FRMD4A: variants seen among roughly 807,000 people sequenced by gnomAD.
The protein encoded by FRMD4A is FERM domain containing 4A, also known as FERM domain-containing protein 4A.
A neutral mutation model predicts 129.1 loss-of-function variants in FRMD4A; 29 were observed. The ratio of observed to expected loss-of-function variants is 0.22; its 90% CI spans 0.17 to 0.31. The LOEUF is 0.31. Among genes scored for constraint, FRMD4A ranks in the 10% least tolerant of loss-of-function variants. The pLI, the probability that FRMD4A is intolerant of heterozygous loss-of-function variation, is 1.00. For synonymous variants in FRMD4A, 634 were observed against 571.6 expected (o/e 1.11, Z -1.56); for missense variants, 1,272 against 1,375.8 (o/e 0.92, Z 1.19).
At chr10:13,739,697 G>A (rs2090870810) in intron 11 of FRMD4A, among the ~76,000 whole-genome samples, 1 of 152,222 alleles carries the variant, frequency 6.6e-6, no homozygotes. Context: ...ACAGGTTGAA[G>A]CAAGTTAACT....
intron 2 of FRMD4A, among the ~76,000 whole-genome samples, chr10:14,086,933 A>G (rs560270596): frequency 6.6e-6 from 1 of 152,240 alleles, no homozygotes; most frequent in African/African-American, 2.4e-5. Flanking sequence ...TTCTCCCCAC[A>G]TCTGGAATTC....
intron 2 of FRMD4A, among the ~76,000 whole-genome samples, chr10:14,185,604 G>C (rs58121388): frequency 1.4e-4 from 20 of 141,840 alleles, no homozygotes; most frequent in East Asian, 4.1e-4. Flanking sequence ...AACAGGTAGA[G>C]AGACAGAAAG....
chr10:13,646,942 G>T lies in FRMD4A; in HGVS notation c.*96C>A. 1 of 970,610 alleles carries T rather than the reference G, an allele frequency of 1.0e-6. No homozygotes were observed. Among genetic ancestry groups the T allele is most frequent in the Non-Finnish European group, 1.2e-6 (1 of 815,896 alleles). 60.1% of individuals were successfully genotyped at this position (970,610 alleles called of 1,614,324 possible). On this transcript the variant is annotated 3_prime_UTR_variant, in exon 25 of 25. Coordinates refer to ENST00000357447, the MANE Select transcript of FRMD4A (RefSeq NM_018027.5). Reference sequence around the variant, plus strand: ...ATTAGGCCGGGCTGGCTCACACGAGGGTCCCGGGCTTGGCTTTTTCCTGCC... The same window carrying T: ...ATTAGGCCGGGCTGGCTCACACGAGTGTCCCGGGCTTGGCTTTTTCCTGCC...
intron 14 of FRMD4A, among the ~76,000 whole-genome samples, chr10:13,701,105 G>A (rs1359439396): frequency 4.6e-5 from 7 of 152,102 alleles, no homozygotes; most frequent in Admixed American, 6.5e-5. Context: ...TGCAGTCAGC[G>A]GCTTGAGCGG....
At chr10:13,963,269 CTTT>C (rs142764391) in intron 2 of FRMD4A, among the ~76,000 whole-genome samples, 58,366 of 117,118 alleles carry the variant, frequency 0.5, 13,513 homozygotes, top group East Asian at 0.76. Flanking sequence ...GTGCAAGCCT[CTTT>C]TTTTTTTTTT....
At chr10:14,171,148 A>G (rs10906621) in intron 2 of FRMD4A, among the ~76,000 whole-genome samples, 53,385 of 151,956 alleles carry the variant, frequency 0.35, 9,410 homozygotes, top group Non-Finnish European at 0.36. Context: ...AAATTCACGG[A>G]CATGATTGAT....
intron 14 of FRMD4A, among the ~76,000 whole-genome samples, chr10:13,700,845 T>TTTC (rs2086753701): frequency 2.6e-5 from 2 of 76,582 alleles, no homozygotes; most frequent in Non-Finnish European, 5.2e-5. Context: ...TTTTTTTTTT[T>TTTC]AACGTTTCCA....
At chr10:14,305,825 G>A (rs189999716) in intron 2 of FRMD4A, among the ~76,000 whole-genome samples, 5 of 152,318 alleles carry the variant, frequency 3.3e-5, no homozygotes, top group South Asian at 4.1e-4. Flanking sequence ...TATCCTTTGC[G>A]AGGACATGGA....
chr10:13,652,180 G>A (rs558447250), intron 23 of FRMD4A: 25 of 592,258 alleles, frequency 4.2e-5, no homozygotes, highest in African/African-American at 1.9e-4. Flanking sequence ...TAGGAGGGAC[G>A]GGCCCTCTTT....
intron 2 of FRMD4A, among the ~76,000 whole-genome samples, chr10:13,895,304 G>A (rs1270964692): frequency 5.3e-5 from 8 of 152,122 alleles, no homozygotes; most frequent in African/African-American, 9.6e-5. Flanking sequence ...TGTTCTCATC[G>A]TTTAGCTCCC....
chr10:13,734,381 C>T (rs770181204), intron 12 of FRMD4A, among the ~76,000 whole-genome samples: 10 of 152,240 alleles, frequency 6.6e-5, no homozygotes, highest in Non-Finnish European at 8.8e-5. Context: ...AAATAGACCG[C>T]GGCTAACACT....
chr10:14,272,637 T>C (rs1407377239), intron 2 of FRMD4A, among the ~76,000 whole-genome samples: 1 of 152,192 alleles, frequency 6.6e-6, no homozygotes, highest in Non-Finnish European at 1.5e-5. Context: ...GGCTCATGGT[T>C]CTGCAGGCTG....
intron 3 of FRMD4A, among the ~76,000 whole-genome samples, chr10:13,812,163 G>C (rs970406113): frequency 6.6e-6 from 1 of 152,222 alleles, no homozygotes; most frequent in Non-Finnish European, 1.5e-5. Flanking sequence ...ACAGGCATGA[G>C]CCACTGCACC....
At chr10:14,148,736 T>C (rs906034357) in intron 2 of FRMD4A, among the ~76,000 whole-genome samples, 9 of 149,428 alleles carry the variant, frequency 6.0e-5, no homozygotes, top group Non-Finnish European at 1.3e-4. Flanking sequence ...CACTCCAGCC[T>C]AGGTGACAGA....
intron 2 of FRMD4A, among the ~76,000 whole-genome samples, chr10:14,163,039 TAG>T (rs1176773817): frequency 1.3e-5 from 2 of 152,246 alleles, no homozygotes; most frequent in African/African-American, 4.8e-5. Context: ...GCCAAAAATC[TAG>T]AGAGACCAAA....
chr10:14,153,493 C>T (rs1021598551), intron 2 of FRMD4A, among the ~76,000 whole-genome samples: 9 of 152,254 alleles, frequency 5.9e-5, no homozygotes, highest in South Asian at 4.2e-4. Flanking sequence ...TCCAGGCAAC[C>T]GCAGCAACCA....
intron 2 of FRMD4A, among the ~76,000 whole-genome samples, chr10:14,289,085 G>A (rs1845770673): frequency 6.6e-6 from 1 of 152,146 alleles, no homozygotes. Context: ...ACATAAGAGT[G>A]CCTATGTCTC....
chr10:14,059,665 T>C (rs1406447652), intron 2 of FRMD4A, among the ~76,000 whole-genome samples: 3 of 152,214 alleles, frequency 2.0e-5, no homozygotes, highest in Admixed American at 6.5e-5. Context: ...CTTTATTTTG[T>C]TATAGCAGCC....
chr10:14,039,863 T>C (rs1404817787), intron 2 of FRMD4A, among the ~76,000 whole-genome samples: 3 of 152,162 alleles, frequency 2.0e-5, no homozygotes, highest in Non-Finnish European at 4.4e-5. Context: ...GTCACGGCCG[T>C]GCATCCTTAA....
Sources: gnomAD v4.1 joint callset for allele counts (sites outside exome capture counted in the v4.1 genomes callset) on GRCh38, gnomAD v4.1.1 for gene constraint, MANE v1.5 for transcripts, NCBI Gene and HGNC (gene_info 2026-07-23, HGNC 2026-07-21) for gene names.